Variants in FKBP5 observed in about 807,000 individuals in gnomAD.
FKBP5 encodes peptidyl-prolyl cis-trans isomerase FKBP5.
FKBP5 carries 23 observed loss-of-function variants against 50.5 expected under a neutral mutation model. The observed-to-expected ratio is 0.46, with a 90% CI of 0.33 to 0.65. The LOEUF (loss-of-function observed/expected upper bound fraction) is 0.65. Ranked by LOEUF, FKBP5 falls within the 30% of genes least tolerant of loss-of-function variation. FKBP5 has a pLI of 0.02. For missense variants in FKBP5, 411 were observed against 553.1 expected (o/e 0.74, Z 2.58); for synonymous variants, 176 against 190.6 (o/e 0.92, Z 0.63).
intron 1 of FKBP5, among the ~76,000 whole-genome samples, chr6:35,656,988 G>C (rs1367009185): frequency 6.6e-6 from 1 of 150,504 alleles, no homozygotes; most frequent in African/African-American, 2.5e-5. Flanking sequence ...GAGGTGGGTG[G>C]ATCACAAGGT....
intron 1 of FKBP5, among the ~76,000 whole-genome samples, chr6:35,684,517 G>C (rs1765767928): frequency 6.6e-6 from 1 of 152,044 alleles, no homozygotes; most frequent in Admixed American, 6.6e-5. Context: ...ATTAAGCCTT[G>C]ATTTTGATAA....
intron 1 of FKBP5, 50 bp from the exon 2 acceptor site, chr6:35,642,893 A>C: frequency 2.9e-6 from 4 of 1,359,682 alleles, no homozygotes; most frequent in Non-Finnish European, 4.2e-6. Flanking sequence ...CTTCTTTATG[A>C]ATCTTGAATG....
intron 2 of FKBP5, among the ~76,000 whole-genome samples, chr6:35,641,395 T>G (rs1374802685): frequency 4.6e-5 from 7 of 152,220 alleles, no homozygotes; most frequent in Admixed American, 2.6e-4. Flanking sequence ...TCAAGTATTA[T>G]GTACTATACA....
intron 5 of FKBP5, among the ~76,000 whole-genome samples, chr6:35,611,526 G>A (rs1228342519): frequency 6.6e-6 from 1 of 152,158 alleles, no homozygotes; most frequent in African/African-American, 2.4e-5. Context: ...GTAACTGGTA[G>A]CTATTTAGAA....
upstream of FKBP5, among the ~76,000 whole-genome samples, chr6:35,689,325 G>GGCA (rs1765936406): frequency 6.6e-6 from 1 of 152,190 alleles, no homozygotes; most frequent in Non-Finnish European, 1.5e-5. Flanking sequence ...GCCGGAGAGG[G>GGCA]GCAGGCCAGG....
intron 5 of FKBP5, among the ~76,000 whole-genome samples, chr6:35,615,226 A>G (rs1364356841): frequency 6.6e-6 from 1 of 151,956 alleles, no homozygotes; most frequent in African/African-American, 2.4e-5. Context: ...ATACGTATGT[A>G]TGTTGAGGTC....
intron 2 of FKBP5, among the ~76,000 whole-genome samples, chr6:35,641,261 G>T (rs1031813944): frequency 6.6e-6 from 1 of 152,158 alleles, no homozygotes; most frequent in African/African-American, 2.4e-5. Flanking sequence ...GGGATTACAG[G>T]CATGAGCCAC....
chr6:35,583,292 AT>A (rs1762498690), intron 8 of FKBP5: 2 of 985,404 alleles, frequency 2.0e-6, no homozygotes, highest in African/African-American at 3.5e-5. Context: ...AATATATTGT[AT>A]AGGGAAAGAA....
chr6:35,619,162 T>C lies in FKBP5; in HGVS notation c.442A>G (p.Ile148Val). 1.2e-6 allele frequency: 2 copies of C among 1,614,016 alleles called. No individual in the cohort carries two copies. The highest frequency in any genetic ancestry group is 2.2e-5 in the East Asian group (1 of 44,882). ...CCTTTCCGTTTGGTTCTCCGGATAA[T>C]GCCTCCATCTTCAAATAAATCCTCT... ...KGEDLFEDGG[I>V]IRRTKRKGEG... is the part of the protein sequence containing the mutation. Residue 148 changes from isoleucine (I) to valine (V), a missense_variant, in exon 5 of 11, where the codon ATT becomes GTT. Around this residue, in one of 3 missense-constraint regions of FKBP5, gnomAD observed 267 missense variants for 405.9 expected, o/e 0.66. Transcript: ENST00000357266.
chr6:35,612,210 A>T (rs933639133), intron 5 of FKBP5, among the ~76,000 whole-genome samples: 10 of 152,010 alleles, frequency 6.6e-5, no homozygotes, highest in African/African-American at 2.4e-4. Context: ...GGCTAACATG[A>T]CGAAACCCCG....
chr6:35,674,021 C>G (rs983131910), intron 1 of FKBP5, among the ~76,000 whole-genome samples: 26 of 152,186 alleles, frequency 1.7e-4, no homozygotes, highest in Admixed American at 1.4e-3. Flanking sequence ...GGATGGTTCC[C>G]TTCCTTCTTC....
At chr6:35,614,364 T>A (rs972755725) in intron 5 of FKBP5, among the ~76,000 whole-genome samples, 1 of 152,160 alleles carries the variant, frequency 6.6e-6, no homozygotes, top group Non-Finnish European at 1.5e-5. Context: ...TTTGAGTATA[T>A]CGTTTTTTAT....
chr6:35,654,098 T>C (rs550023558), intron 1 of FKBP5, among the ~76,000 whole-genome samples: 1 of 152,192 alleles, frequency 6.6e-6, no homozygotes, highest in Non-Finnish European at 1.5e-5. Flanking sequence ...CAATTGACAA[T>C]GTCACAATGG....
intron 10 of FKBP5, 90 bp downstream of exon 10, chr6:35,576,904 C>G: frequency 6.7e-7 from 1 of 1,492,690 alleles, no homozygotes. Flanking sequence ...TCTTGAGCCT[C>G]TTGGGTTGTT....
intron 5 of FKBP5, among the ~76,000 whole-genome samples, chr6:35,615,500 G>A (rs925488788): frequency 6.6e-5 from 10 of 152,064 alleles, no homozygotes; most frequent in African/African-American, 2.4e-4. Context: ...CAAACTTAAA[G>A]GAGTTTCCAA....
chr6:35,726,852 G>A (rs559286118), intron 1 of FKBP5, among the ~76,000 whole-genome samples: 14 of 152,168 alleles, frequency 9.2e-5, no homozygotes, highest in Non-Finnish European at 1.9e-4. Context: ...TGGGAGGCGG[G>A]GGCAGTGGAG....
chr6:35,644,502 G>A (rs894075692), intron 1 of FKBP5, among the ~76,000 whole-genome samples: 2 of 152,144 alleles, frequency 1.3e-5, no homozygotes, highest in Non-Finnish European at 2.9e-5. Context: ...AAATCCAATT[G>A]TTGTGCCCCA....
chr6:35,699,053 A>G (rs1411419796), intron 2 of FKBP5, among the ~76,000 whole-genome samples: 1 of 152,198 alleles, frequency 6.6e-6, no homozygotes, highest in Non-Finnish European at 1.5e-5. Context: ...TTTGGCAGGG[A>G]CAGCTGGTCT....
intron 5 of FKBP5, among the ~76,000 whole-genome samples, chr6:35,609,339 A>T (rs1279336229): frequency 5.3e-5 from 8 of 152,216 alleles, no homozygotes. Flanking sequence ...TGGGCTGAGT[A>T]CGGAATTCTA....
Sources: gnomAD v4.1 joint callset for allele counts (sites outside exome capture counted in the v4.1 genomes callset) on GRCh38, gnomAD v4.1.1 for gene constraint, gnomAD v4.1.1 regional missense constraint, MANE v1.5 for transcripts, NCBI Gene and HGNC (gene_info 2026-07-23, HGNC 2026-07-21) for gene names.